Variants in ABCD3 observed in about 807,000 individuals in gnomAD.
ABCD3 encodes the protein ATP binding cassette subfamily D member 3, also known as ATP-binding cassette sub-family D member 3.
In ABCD3, 41 loss-of-function variants were observed where a neutral mutation model predicts 105.5. That is an observed-to-expected ratio of 0.39 (90% confidence interval 0.30 to 0.50). The LOEUF is 0.50. Ranked by LOEUF, ABCD3 falls within the 20% of genes least tolerant of loss-of-function variation. The pLI is 0.84. For synonymous variants in ABCD3, 258 were observed against 269.0 expected, an observed-to-expected ratio of 0.96 and a Z score of 0.40; for missense variants, 622 against 806.3, an observed-to-expected ratio of 0.77 and a Z score of 2.77.
At chr1:94,453,480 G>A (rs558662038) in intron 1 of ABCD3, among the ~76,000 whole-genome samples, 2 of 151,730 alleles carry the variant, frequency 1.3e-5, no homozygotes, top group Non-Finnish European at 2.9e-5. Context: ...CACCTCGCCT[G>A]GCTAATTTTT....
At chr1:94,399,003 C>A in the ABCD3 span, among the ~76,000 whole-genome samples, 5 of 150,924 alleles carry the variant, frequency 3.3e-5, no homozygotes, top group African/African-American at 4.9e-5. Flanking sequence ...AAAAAAAAAA[C>A]AAAACTTGGA....
At chr1:94,453,832 A>G (rs753928725) in intron 1 of ABCD3, among the ~76,000 whole-genome samples, 2 of 150,162 alleles carry the variant, frequency 1.3e-5, no homozygotes, top group Non-Finnish European at 3.0e-5. Flanking sequence ...ATTTTAATGT[A>G]TTAGTATTTT....
the ABCD3 span, among the ~76,000 whole-genome samples, chr1:94,395,823 G>A: frequency 1.3e-5 from 2 of 151,944 alleles, no homozygotes; most frequent in African/African-American, 4.8e-5. Flanking sequence ...GAGTGTGTGT[G>A]TGTGTGCACG....
Position 94,517,195 on chromosome 1 carries a change from A to G in ABCD3, c.*66A>G. 1 of 1,205,434 alleles carries G rather than the reference A, an allele frequency of 8.3e-7. No individual in the cohort carries two copies. Among genetic ancestry groups the G allele is most frequent in the Non-Finnish European group, 1.2e-6 (1 of 813,612 alleles). The allele number at this position is 1,205,434 out of a possible 1,614,324, so 74.7% of individuals were successfully genotyped here. A position where few individuals can be genotyped will look rare whatever the true frequency, so the allele number is the denominator to read the frequency against. ...CAGAATATACTTAGAAAGGCAAAGT[A>G]CATTGTAAAATAAAGTTGAGCTTAG... On this transcript the variant is annotated 3_prime_UTR_variant, in exon 23 of 23. Coordinates refer to ENST00000370214, the MANE Select transcript of ABCD3 (RefSeq NM_002858.4).
At chr1:94,403,271 T>C in the ABCD3 span, among the ~76,000 whole-genome samples, 1 of 152,172 alleles carries the variant, frequency 6.6e-6, no homozygotes, top group African/African-American at 2.4e-5. Flanking sequence ...TAGGAGATGT[T>C]GAGAGGCGTG....
At chr1:94,439,188 C>G (rs770017541) in intron 1 of ABCD3, among the ~76,000 whole-genome samples, 11 of 152,120 alleles carry the variant, frequency 7.2e-5, no homozygotes, top group Non-Finnish European at 1.2e-4. Context: ...GATGTAAAAT[C>G]CTAGGTTCAC....
chr1:94,463,549 C>T (rs1647981793), intron 2 of ABCD3, among the ~76,000 whole-genome samples: 1 of 152,114 alleles, frequency 6.6e-6, no homozygotes, highest in Non-Finnish European at 1.5e-5. Context: ...CAGTAGTTAG[C>T]CAGATAAGTG....
At position 94,446,742 on chromosome 1, in the gene ABCD3, C is replaced by T. The variant is rs183981669; in HGVS notation, c.111-11865C>T. On this transcript the variant is annotated intron_variant, in intron 1 of 22. Coordinates refer to ENST00000370214, the MANE Select transcript of ABCD3 (RefSeq NM_002858.4). Reference sequence around the variant, plus strand: ...ATTTCTCTACAGCACTGGCTGTCTGCGTGGCCAATTCAACCTGTTCAATTT... The same window carrying T: ...ATTTCTCTACAGCACTGGCTGTCTGTGTGGCCAATTCAACCTGTTCAATTT... 2.1e-3 allele frequency among the ~76,000 whole-genome samples: 321 copies of T among 152,272 alleles called. 1 individual carries two copies. The highest frequency in any genetic ancestry group is 7.3e-3 in the African/African-American group (302 of 41,558).
intron 2 of ABCD3, among the ~76,000 whole-genome samples, chr1:94,460,287 A>G (rs1290582467): frequency 6.6e-6 from 1 of 152,144 alleles, no homozygotes; most frequent in Admixed American, 6.5e-5. Context: ...TAAGTAGAAG[A>G]ATTATCTACA....
intron 16 of ABCD3, among the ~76,000 whole-genome samples, chr1:94,493,835 A>G (rs1446165812): frequency 6.6e-6 from 1 of 152,152 alleles, no homozygotes; most frequent in Non-Finnish European, 1.5e-5. Context: ...TCAGTAAACT[A>G]TCGCAAGGAC....
At chr1:94,516,945 A>G in intron 22 of ABCD3, 107 bp from the exon 23 acceptor site, 1 of 827,884 alleles carries the variant, frequency 1.2e-6, no homozygotes. Context: ...ATGCTTATAG[A>G]TTTAGCTCCC....
intron 1 of ABCD3, among the ~76,000 whole-genome samples, chr1:94,436,664 C>G (rs1051539501): frequency 6.6e-6 from 1 of 152,160 alleles, no homozygotes; most frequent in Admixed American, 6.5e-5. Flanking sequence ...CTTCATGTCT[C>G]TGTATCATAT....
intron 13 of ABCD3, 57 bp from the exon 14 acceptor site, chr1:94,489,668 A>T: frequency 1.6e-6 from 2 of 1,222,608 alleles, no homozygotes; most frequent in Non-Finnish European, 2.4e-6. Context: ...TGTATAAAAT[A>T]AAAGATGTGA....
At chr1:94,487,237 G>C (rs1649318292) in intron 10 of ABCD3, among the ~76,000 whole-genome samples, 1 of 152,182 alleles carries the variant, frequency 6.6e-6, no homozygotes, top group Non-Finnish European at 1.5e-5. Context: ...GTATCCAAAA[G>C]CATGGTGACT....
At chr1:94,479,467 A>T (rs994977848) in intron 8 of ABCD3, among the ~76,000 whole-genome samples, 6 of 151,920 alleles carry the variant, frequency 3.9e-5, no homozygotes, top group Admixed American at 3.3e-4. Context: ...TTACTAGCAC[A>T]TATATTGTGC....
At chr1:94,464,959 G>T in intron 3 of ABCD3, 86 bp downstream of exon 3, 2 of 1,123,920 alleles carry the variant, frequency 1.8e-6, no homozygotes, top group South Asian at 1.3e-5. Context: ...AAAGAAAAGA[G>T]ATTTAATTGG....
chr1:94,455,348 C>A (rs192874805), intron 1 of ABCD3, among the ~76,000 whole-genome samples: 1 of 148,740 alleles, frequency 6.7e-6, no homozygotes, highest in South Asian at 2.1e-4. Flanking sequence ...TTTTTGAGAC[C>A]GAGTTTTGCT....
rs534467009 is a variant in ABCD3 at position 94,440,017 on chromosome 1, C to T, written c.111-18590C>T. Among the ~76,000 whole-genome samples the T allele has an allele frequency of 5.9e-5, 9 of 152,320 alleles. No individual in the cohort carries two copies. The South Asian group carries it at 1.9e-3, about 32-fold the overall frequency. Reference sequence around the variant, plus strand: ...CCAAGTAGCTGGGATTGCAGGCACACACCACTGTGCCTGGCTAGCATTGCT... The same window carrying T: ...CCAAGTAGCTGGGATTGCAGGCACATACCACTGTGCCTGGCTAGCATTGCT... On this transcript the variant is annotated intron_variant, in intron 1 of 22. Transcript: ENST00000370214.
chr1:94,473,978 AT>A (rs1255242905), intron 5 of ABCD3, 143 bp downstream of exon 5: 2 of 646,340 alleles, frequency 3.1e-6, no homozygotes, highest in Admixed American at 5.9e-5. Flanking sequence ...TTATAATATA[AT>A]TTTCAATGTA....
Sources: allele counts gnomAD v4.1 joint callset (sites outside exome capture counted in the v4.1 genomes callset), GRCh38; gene constraint gnomAD v4.1.1; transcripts MANE v1.5; gene names NCBI Gene and HGNC (gene_info 2026-07-23, HGNC 2026-07-21).